UNKL: variants seen among roughly 807,000 people sequenced by gnomAD.
The protein encoded by UNKL is unk like zinc finger, also known as putative E3 ubiquitin-protein ligase UNKL.
A neutral mutation model predicts 78.0 loss-of-function variants in UNKL; 60 were observed. That is an observed-to-expected ratio of 0.77 (90% CI 0.63 to 0.95). UNKL has a LOEUF of 0.95. UNKL is among the 40% of genes least tolerant of loss of function. The probability of loss-of-function intolerance (pLI) is 0.00; values close to 1 mark genes in which losing one functional copy is unlikely to be tolerated. For synonymous variants in UNKL, 608 were observed against 474.8 expected (o/e 1.28, Z -3.65); for missense variants, 1,159 against 1,045.7 (o/e 1.11, Z -1.49).
At chr16:1,402,967 G>A (rs1487700533) in intron 3 of UNKL, among the ~76,000 whole-genome samples, 1 of 152,220 alleles carries the variant, frequency 6.6e-6, no homozygotes, top group Non-Finnish European at 1.5e-5. Context: ...ACTCCAGCCT[G>A]GGTGACAGAA....
rs753187739 is a variant in UNKL at position 1,363,935 on chromosome 16, G to T, written c.*2305C>A. 2 of 152,246 alleles carry T rather than the reference G, an allele frequency of 1.3e-5. No homozygotes were observed. Among genetic ancestry groups the T allele is most frequent in the Non-Finnish European group, 2.9e-5 (2 of 68,050 alleles). 9.4% of individuals were successfully genotyped at this position (152,246 alleles called of 1,614,324 possible). A position where few individuals can be genotyped will look rare whatever the true frequency, so the allele number is the denominator to read the frequency against. On this transcript the variant is annotated 3_prime_UTR_variant, in exon 15 of 15. Transcript: ENST00000389221. ...GCTGAGCCCTGGAGACACCCTGAGG[G>T]GCGGGCGCCACCTCCTTCCCAGAAA...
intron 2 of UNKL, chr16:1,405,992 G>A (rs1335379711): frequency 2.2e-6 from 1 of 456,652 alleles, no homozygotes; most frequent in African/African-American, 2.0e-5. Flanking sequence ...GGAGGCCCGT[G>A]GCCCATGTGG....
intron 2 of UNKL, among the ~76,000 whole-genome samples, chr16:1,406,565 C>G (rs554302052): frequency 5.0e-4 from 76 of 152,222 alleles, no homozygotes; most frequent in Middle Eastern, 3.4e-3. Flanking sequence ...GTCCCAAACT[C>G]CTGGGCTCAA....
rs924775466 is a variant in UNKL, at chr16:1,403,637, G to C, written c.288-293C>G. On this transcript the variant is annotated intron_variant, in intron 2 of 14. Transcript: ENST00000389221. This position sits in a 1 kb window ranked among gnomAD's most constrained non-coding sequence, Gnocchi z 4.8. ...CAAACACAGCAGGAAACACAATGCT[G>C]AATTTCCACAAAGCTCATCCTTCCT... Among the ~76,000 whole-genome samples, 3 of 152,186 alleles carry C rather than the reference G, an allele frequency of 2.0e-5. No homozygotes were observed. The highest frequency in any genetic ancestry group is 4.4e-5 in the Non-Finnish European group (3 of 68,040).
chr16:1,405,085 T>G (rs1052710072), intron 2 of UNKL, among the ~76,000 whole-genome samples: 1 of 151,728 alleles, frequency 6.6e-6, no homozygotes, highest in Non-Finnish European at 1.5e-5. Flanking sequence ...TCCCAGCTAC[T>G]TGGGAGGCTG....
At chr16:1,375,360 G>A (rs1335763417) in intron 10 of UNKL, among the ~76,000 whole-genome samples, 5 of 152,156 alleles carry the variant, frequency 3.3e-5, no homozygotes, top group Admixed American at 6.5e-5. Flanking sequence ...GAGGCCGCAA[G>A]GCAGAGGCCA....
At chr16:1,393,000 A>C in intron 7 of UNKL, 24 bp from the exon 8 acceptor site, 1 of 1,549,594 alleles carries the variant, frequency 6.5e-7, no homozygotes. Context: ...GGAGCAGCAG[A>C]CTCTGAGGGC....
At chr16:1,409,310 G>A (rs1026840765) in intron 2 of UNKL, among the ~76,000 whole-genome samples, 9 of 152,178 alleles carry the variant, frequency 5.9e-5, no homozygotes, top group African/African-American at 2.2e-4. Context: ...AACCCTTAAT[G>A]AGAACCAGAA....
intron 7 of UNKL, among the ~76,000 whole-genome samples, chr16:1,393,900 C>T (rs2037151061): frequency 6.6e-6 from 1 of 152,198 alleles, no homozygotes; most frequent in African/African-American, 2.4e-5. Context: ...CCTGCAGATT[C>T]CACCAGGCCT....
intron 14 of UNKL, among the ~76,000 whole-genome samples, 152 bp from the exon 15 acceptor site, chr16:1,366,547 C>G (rs1567194483): frequency 6.6e-6 from 1 of 152,218 alleles, no homozygotes; most frequent in Non-Finnish European, 1.5e-5. Flanking sequence ...CAGCCAGGGC[C>G]ACCTCAGGGA....
In UNKL at chr16:1,366,105, G is replaced by C; in HGVS notation, c.*135C>G. ...GCGCAGGCGGGGCTCCCAGCCTCAT[G>C]ATAACGTGTAACAGGAAGGGCTCCC... On this transcript the variant is annotated 3_prime_UTR_variant, in exon 15 of 15. Coordinates refer to ENST00000389221, the MANE Select transcript of UNKL (RefSeq NM_001372107.1). 9.0e-7 allele frequency: 1 copy of C among 1,111,824 alleles called. No individual in the cohort carries two copies. Among genetic ancestry groups the C allele is most frequent in the Non-Finnish European group, 1.2e-6 (1 of 834,422 alleles). 68.9% of individuals were successfully genotyped at this position (1,111,824 alleles called of 1,614,324 possible).
intron 4 of UNKL, 34 bp downstream of exon 4, chr16:1,401,534 C>G (rs767129281): frequency 5.9e-5 from 83 of 1,410,238 alleles, no homozygotes; most frequent in South Asian, 3.3e-4. Flanking sequence ...CCCGCCCCCC[C>G]CACCACCGCC....
rs570806084 is a variant in UNKL, at chr16:1,370,313, A to G, written c.1402T>C (p.Ser468Pro). The change falls in exon 12 of 15, where the codon TCC becomes CCC. Residue 468 changes from serine (S) to proline (P), a missense_variant. Ser to Pro is a moderately conservative substitution (Grantham distance 74, BLOSUM62 -1). Coordinates refer to ENST00000389221, the MANE Select transcript of UNKL (RefSeq NM_001372107.1). ...AGSAPVAIPG[S>P]LPRAPSLHSP... ...TGTAGCGATGGTGCTCTGGGCAGGG[A>G]GCCGGGGATGGCGACAGGTGCAGAG... The G allele has an allele frequency of 2.0e-6, 3 of 1,533,380 alleles. No homozygotes were observed. Among genetic ancestry groups the G allele is most frequent in the African/African-American group, 2.7e-5 (2 of 73,014 alleles). The allele number at this position is 1,533,380 out of a possible 1,614,324, so 95.0% of individuals were successfully genotyped here.
At chr16:1,397,125 C>A in intron 6 of UNKL, 53 bp downstream of exon 6, 5 of 1,521,160 alleles carry the variant, frequency 3.3e-6, no homozygotes, top group South Asian at 1.2e-5. Flanking sequence ...AACCCCACAG[C>A]TTCTCTGGGA....
intron 6 of UNKL, among the ~76,000 whole-genome samples, chr16:1,395,157 G>T (rs955137279): frequency 6.7e-6 from 1 of 148,956 alleles, no homozygotes; most frequent in East Asian, 2.0e-4. Flanking sequence ...ACCGTGCCCG[G>T]TCTGTTCATT....
At chr16:1,398,453 T>A in intron 5 of UNKL, 1 of 1,134,138 alleles carries the variant, frequency 8.8e-7, no homozygotes, top group Non-Finnish European at 1.1e-6. Context: ...GCCGTTCAGG[T>A]CCTTTACTCG....
At chr16:1,371,062 G>A (rs1185627462) in intron 11 of UNKL, among the ~76,000 whole-genome samples, 17 of 140,598 alleles carry the variant, frequency 1.2e-4, no homozygotes, top group Admixed American at 3.1e-4. Flanking sequence ...CAGCCTGGGC[G>A]ACAGAGCGAG....
intron 10 of UNKL, chr16:1,379,750 C>T: frequency 8.9e-6 from 8 of 899,018 alleles, no homozygotes; most frequent in Non-Finnish European, 1.0e-5. Context: ...CCGCCCCCGT[C>T]GCACTGGCCA....
chr16:1,368,103 C>T (rs1567198011), intron 12 of UNKL: 2 of 570,018 alleles, frequency 3.5e-6, no homozygotes, highest in Non-Finnish European at 6.3e-6. Flanking sequence ...CCTTCCTGGC[C>T]ACCTGAGGAG....
Sources: gnomAD v4.1 joint callset for allele counts (sites outside exome capture counted in the v4.1 genomes callset) on GRCh38, gnomAD v4.1.1 for gene constraint, Gnocchi (gnomAD v3.1) non-coding constraint, MANE v1.5 for transcripts, NCBI Gene and HGNC (gene_info 2026-07-23, HGNC 2026-07-21) for gene names.